The following PDCD6IP variants were observed in gnomAD, a reference collection of about 807,000 sequenced individuals.
The protein encoded by PDCD6IP is programmed cell death 6 interacting protein.
Under a neutral mutation model 103.7 loss-of-function variants are expected in PDCD6IP, and 43 were observed. The observed-to-expected ratio is 0.41, with a 90% CI of 0.32 to 0.53. The LOEUF (loss-of-function observed/expected upper bound fraction) is 0.53, where lower values mean the gene tolerates loss of function less well. PDCD6IP is among the 20% of genes least tolerant of loss of function. The pLI, the probability that PDCD6IP is intolerant of heterozygous loss-of-function variation, is 0.16. For missense variants in PDCD6IP, 871 were observed against 1,036.7 expected (o/e 0.84, Z 2.20); for synonymous variants, 354 against 378.7 (o/e 0.93, Z 0.76).
intron 15 of PDCD6IP, among the ~76,000 whole-genome samples, chr3:33,860,350 A>T (rs1208206194): frequency 6.6e-6 from 1 of 152,210 alleles, no homozygotes; most frequent in East Asian, 1.9e-4. Context: ...ATTTTGTTAA[A>T]GTCGTTGTTA....
intron 14 of PDCD6IP, among the ~76,000 whole-genome samples, chr3:33,854,263 G>A (rs1559795849): frequency 6.6e-6 from 1 of 152,180 alleles, no homozygotes; most frequent in East Asian, 1.9e-4. Context: ...ATTCCAGGTA[G>A]CAGGAATTAG....
intron 12 of PDCD6IP, among the ~76,000 whole-genome samples, chr3:33,851,372 A>G (rs1296390219): frequency 6.6e-6 from 1 of 152,038 alleles, no homozygotes; most frequent in Non-Finnish European, 1.5e-5. Flanking sequence ...TGCTCATTAG[A>G]AGGCACTTGA....
chr3:33,853,875 C>A lies in PDCD6IP; in HGVS notation c.1891-4C>A. ...GTAAATATGTAAATCTTTCTTTTAACAAGGTCTCACATCAGGAATTTTCAA... is the reference window on the plus strand; with the variant it reads ...GTAAATATGTAAATCTTTCTTTTAAAAAGGTCTCACATCAGGAATTTTCAA... On this transcript the variant is annotated splice_polypyrimidine_tract_variant and splice_region_variant and intron_variant, in intron 13 of 17. Coordinates refer to ENST00000307296, the MANE Select transcript of PDCD6IP (RefSeq NM_013374.6). 1.4e-6 allele frequency: 2 copies of A among 1,464,230 alleles called. No homozygotes were observed. The highest frequency in any genetic ancestry group is 3.0e-5 in the African/African-American group (2 of 67,694). 90.7% of individuals were successfully genotyped at this position (1,464,230 alleles called of 1,614,324 possible).
chr3:33,803,801 A>G (rs776944841), intron 1 of PDCD6IP, among the ~76,000 whole-genome samples: 2 of 152,040 alleles, frequency 1.3e-5, no homozygotes, highest in African/African-American at 2.4e-5. Context: ...ATTTTTTTAA[A>G]AAATGTTCTT....
At position 33,867,544 on chromosome 3, in the gene PDCD6IP, T is replaced by G. The variant is rs1698092192; in HGVS notation, c.*1019T>G. ...ATCTAAGCCATTTAATTTTTTTTCC[T>G]TAAAGATTGGAGTATTTTATAATTC... On this transcript the variant is annotated 3_prime_UTR_variant, in exon 18 of 18. Coordinates refer to ENST00000307296, the MANE Select transcript of PDCD6IP (RefSeq NM_013374.6). The G allele has an allele frequency of 6.6e-6, 1 of 152,192 alleles. No homozygotes were observed. Among genetic ancestry groups the G allele is most frequent in the Admixed American group, 6.5e-5 (1 of 15,276 alleles). The allele number at this position is 152,192 out of a possible 1,614,324, so 9.4% of individuals were successfully genotyped here.
intron 3 of PDCD6IP, among the ~76,000 whole-genome samples, chr3:33,817,473 G>A (rs546760032): frequency 2.0e-5 from 3 of 152,304 alleles, no homozygotes; most frequent in Non-Finnish European, 4.4e-5. Flanking sequence ...AAACTTAGAG[G>A]CTGGAAGTGG....
At chr3:33,862,606 T>A (rs1050025771) in intron 15 of PDCD6IP, among the ~76,000 whole-genome samples, 4 of 152,218 alleles carry the variant, frequency 2.6e-5, no homozygotes, top group African/African-American at 9.6e-5. Context: ...TTTATCTTAG[T>A]GACAGGTGAT....
intron 7 of PDCD6IP, among the ~76,000 whole-genome samples, chr3:33,830,117 C>T (rs933216521): frequency 1.8e-4 from 28 of 152,214 alleles, no homozygotes; most frequent in Admixed American, 1.3e-3. Context: ...CACATTCAGA[C>T]CATAACAATG....
chr3:33,848,323 A>G (rs144277831), intron 12 of PDCD6IP, among the ~76,000 whole-genome samples: 2,322 of 152,306 alleles, frequency 0.015, 25 homozygotes, highest in South Asian at 0.027. Flanking sequence ...TGCTGTAGAC[A>G]TAGTTGCTTA....
At chr3:33,853,227 C>G (rs1697759478) in intron 13 of PDCD6IP, among the ~76,000 whole-genome samples, 1 of 152,104 alleles carries the variant, frequency 6.6e-6, no homozygotes, top group Admixed American at 6.5e-5. Context: ...CCTGCAGAAA[C>G]AAAGTCATTT....
At position 33,798,885 on chromosome 3, in the gene PDCD6IP, G is replaced by A. The variant is rs1696396688; in HGVS notation, c.157G>A (p.Ala53Thr). Residue 53 changes from alanine (A) to threonine (T), a missense_variant, in exon 1 of 18, where the codon GCA (alanine) becomes ACA (threonine). This residue lies in a region of PDCD6IP where 114 missense variants were observed against 106.7 expected (regional missense o/e 1.07). Coordinates refer to ENST00000307296, the MANE Select transcript of PDCD6IP (RefSeq NM_013374.6). The part of the protein sequence containing the change: ...AEELSKLRRA[A>T]VGRPLDKHEG... ...GGAGCTCAGCAAGCTGCGCCGCGCC[G>A]CAGTCGGTCGTCCGCTGGACAAGCA... 3 of 1,547,980 alleles carry A rather than the reference G, an allele frequency of 1.9e-6. No homozygotes were observed. The highest frequency in any genetic ancestry group is 1.4e-5 in the African/African-American group (1 of 72,968).
Position 33,838,318 on chromosome 3 carries a change from T to G in PDCD6IP, c.1172T>G (p.Leu391Trp), listed in dbSNP as rs751760044. Reference protein sequence around the residue: ...SIAQMREATTLANGVLASLNL... With the variant: ...SIAQMREATTWANGVLASLNL... ...GCTCAGATGAGAGAAGCCACCACTT[T>G]GGCAAATGGGTAGGTAGAGCTTAAT... The change falls in exon 9 of 18, where the codon TTG becomes TGG. Residue 391 changes from leucine (L) to tryptophan (W), a missense_variant. Leu to Trp is a moderately conservative substitution (Grantham distance 61). This residue lies in a region of PDCD6IP where 266 missense variants were observed against 390.5 expected (regional missense o/e 0.68). Transcript: ENST00000307296. The G allele has an allele frequency of 1.2e-6, 2 of 1,612,366 alleles. No individual in the cohort carries two copies. Among genetic ancestry groups the G allele is most frequent in the African/African-American group, 2.7e-5 (2 of 74,924 alleles).
chr3:33,864,167 C>A, intron 16 of PDCD6IP, 38 bp downstream of exon 16: 3 of 1,174,542 alleles, frequency 2.6e-6, no homozygotes, highest in Middle Eastern at 1.9e-4. Flanking sequence ...AGAGGTTTTA[C>A]ATTAACGATG....
intron 3 of PDCD6IP, 128 bp downstream of exon 3, chr3:33,813,756 T>C: frequency 1.6e-6 from 1 of 638,278 alleles, no homozygotes. Context: ...ATTCTCTTTT[T>C]AGCTTCAACT....
chr3:33,800,449 TC>T (rs1469576311), intron 1 of PDCD6IP, among the ~76,000 whole-genome samples: 3 of 152,118 alleles, frequency 2.0e-5, no homozygotes, highest in Non-Finnish European at 4.4e-5. Context: ...GTTTAATTTC[TC>T]CTTACCCCAT....
At chr3:33,862,140 C>T (rs565764985) in intron 15 of PDCD6IP, among the ~76,000 whole-genome samples, 2 of 151,600 alleles carry the variant, frequency 1.3e-5, no homozygotes, top group South Asian at 2.1e-4. Flanking sequence ...TTATAATATA[C>T]GTATATATTT....
In PDCD6IP at chr3:33,833,910, C is replaced by T. The variant is rs548783172; in HGVS notation, c.835-2134C>T. Among the ~76,000 whole-genome samples the T allele has an allele frequency of 3.3e-5, 5 of 152,228 alleles. No individual in the cohort carries two copies. The South Asian group carries it at 1.0e-3, about 32-fold the overall frequency. ...TGTGTTAAGGGCTCCCTCCTAAGGT[C>T]CACTTCTCTGGCTCTTAAAGCCTAC... On this transcript the variant is annotated intron_variant, in intron 7 of 17. Transcript: ENST00000307296.
chr3:33,856,619 G>A (rs753758454), intron 15 of PDCD6IP, among the ~76,000 whole-genome samples: 33 of 152,064 alleles, frequency 2.2e-4, no homozygotes, highest in Non-Finnish European at 3.5e-4. Flanking sequence ...GAAGATTGTT[G>A]AAAGAGGATA....
At chr3:33,855,141 A>C in intron 14 of PDCD6IP, 25 bp from the exon 15 acceptor site, 1 of 1,439,392 alleles carries the variant, frequency 6.9e-7, no homozygotes. Context: ...CTTGTTCCTT[A>C]CTTGTATTTG....
Sources: gnomAD v4.1 joint callset for allele counts (sites outside exome capture counted in the v4.1 genomes callset) on GRCh38, gnomAD v4.1.1 for gene constraint, gnomAD v4.1.1 regional missense constraint, MANE v1.5 for transcripts, NCBI Gene and HGNC (gene_info 2026-07-23, HGNC 2026-07-21) for gene names.